PPFIBP2: variants seen among roughly 807,000 people sequenced by gnomAD.
PPFIBP2 encodes the protein liprin-beta-2.
In PPFIBP2, 118 loss-of-function variants were observed where a neutral mutation model predicts 118.3. The observed-to-expected ratio is 1.00, with a 90% CI of 0.86 to 1.16. PPFIBP2 has a LOEUF of 1.16. PPFIBP2 is among the 50% of genes most tolerant of loss of function. PPFIBP2 has a pLI of 0.00. For synonymous variants in PPFIBP2, 414 were observed against 397.4 expected (o/e 1.04, Z -0.50); for missense variants, 1,195 against 1,073.1 (o/e 1.11, Z -1.59).
At chr11:7,541,115 T>C (rs1851731975) in intron 1 of PPFIBP2, among the ~76,000 whole-genome samples, 1 of 152,204 alleles carries the variant, frequency 6.6e-6, no homozygotes, top group African/African-American at 2.4e-5. Flanking sequence ...GGGCTGTGTT[T>C]GCATTCCATC....
chr11:7,554,787 A>ACTATG (rs1351171550), intron 2 of PPFIBP2, among the ~76,000 whole-genome samples: 4 of 79,148 alleles, frequency 5.1e-5, no homozygotes, highest in Non-Finnish European at 1.1e-4. Flanking sequence ...ATCCCAGGTG[A>ACTATG]CTAGACTAGA....
intron 2 of PPFIBP2, among the ~76,000 whole-genome samples, chr11:7,554,397 G>A (rs539483171): frequency 1.2e-4 from 19 of 152,204 alleles, no homozygotes; most frequent in African/African-American, 4.6e-4. Flanking sequence ...CAGTAGGCTG[G>A]GTTACTGTTT....
At chr11:7,605,359 G>A (rs181319327) in intron 5 of PPFIBP2, among the ~76,000 whole-genome samples, 107 of 152,326 alleles carry the variant, frequency 7.0e-4, no homozygotes, top group African/African-American at 2.4e-3. Flanking sequence ...CATGGTAGGG[G>A]TTTAGGGCTT....
At chr11:7,578,661 T>C (rs574268675) in intron 3 of PPFIBP2, among the ~76,000 whole-genome samples, 2 of 152,156 alleles carry the variant, frequency 1.3e-5, no homozygotes, top group African/African-American at 4.8e-5. Context: ...TTACAAACAA[T>C]AAGTGTGCCT....
chr11:7,652,969 T>C, intron 23 of PPFIBP2, 55 bp from the exon 24 acceptor site: 2 of 1,546,880 alleles, frequency 1.3e-6, no homozygotes, highest in African/African-American at 2.7e-5. Flanking sequence ...TTGTCAGTCA[T>C]ACCTGCACAC....
At chr11:7,665,447 G>C in the PPFIBP2 span, 16 of 1,613,548 alleles carry the variant, frequency 9.9e-6, no homozygotes, top group Non-Finnish European at 1.4e-5. Context: ...CTGGATTAGT[G>C]GTGGCGGGCC....
chr11:7,620,279 C>T (rs1426879537), intron 6 of PPFIBP2, among the ~76,000 whole-genome samples: 2 of 152,190 alleles, frequency 1.3e-5, no homozygotes, highest in Non-Finnish European at 2.9e-5. Flanking sequence ...CCAGCCTCAT[C>T]TTCCACTGTG....
chr11:7,597,409 A>T, intron 4 of PPFIBP2, 151 bp from the exon 5 acceptor site: 1 of 1,538,880 alleles, frequency 6.5e-7, no homozygotes, highest in East Asian at 2.4e-5. Flanking sequence ...CGTTCAGGAC[A>T]CTTCCTCCAC....
intron 10 of PPFIBP2, among the ~76,000 whole-genome samples, 153 bp from the exon 11 acceptor site, chr11:7,630,772 C>A (rs1328857744): frequency 6.6e-6 from 1 of 152,210 alleles, no homozygotes; most frequent in Non-Finnish European, 1.5e-5. Flanking sequence ...CTCAGATGCC[C>A]TGAAGAATCT....
chr11:7,565,065 C>A (rs545825301), intron 2 of PPFIBP2, among the ~76,000 whole-genome samples: 1 of 152,014 alleles, frequency 6.6e-6, no homozygotes, highest in Non-Finnish European at 1.5e-5. Context: ...ACTGTCTAAA[C>A]GTAGTTTATG....
At chr11:7,549,302 T>G in intron 1 of PPFIBP2, 138 bp from the exon 2 acceptor site, 1 of 745,212 alleles carries the variant, frequency 1.3e-6, no homozygotes, top group African/African-American at 1.8e-5. Flanking sequence ...GCCATGGAGA[T>G]GCAGAAACTA....
chr11:7,543,977 C>T (rs1045366308), intron 1 of PPFIBP2, among the ~76,000 whole-genome samples: 1 of 152,174 alleles, frequency 6.6e-6, no homozygotes, highest in African/African-American at 2.4e-5. Context: ...GGCTTTTCCT[C>T]ACTGGCTGCA....
chr11:7,640,715 A>G (rs1590756208), intron 15 of PPFIBP2, among the ~76,000 whole-genome samples: 1 of 152,168 alleles, frequency 6.6e-6, no homozygotes, highest in Non-Finnish European at 1.5e-5. Flanking sequence ...GAGCCCAGGC[A>G]CCTGCACAAG....
intron 5 of PPFIBP2, among the ~76,000 whole-genome samples, chr11:7,608,608 C>G (rs906965661): frequency 6.6e-6 from 1 of 152,110 alleles, no homozygotes; most frequent in Non-Finnish European, 1.5e-5. Flanking sequence ...CCATTGCACT[C>G]CAGCCTGGGC....
intron 17 of PPFIBP2, among the ~76,000 whole-genome samples, chr11:7,647,662 G>A (rs1291583501): frequency 6.6e-6 from 1 of 152,170 alleles, no homozygotes; most frequent in Non-Finnish European, 1.5e-5. Context: ...CGTTACATAT[G>A]TTTATATGTG....
rs191097647 is a variant in PPFIBP2 at position 7,516,555 on chromosome 11, C to T, written c.-37+2434C>T. On this transcript the variant is annotated intron_variant, in intron 1 of 23. Transcript: ENST00000299492. ...GAGCCTGCCAACAGACAACATGAGG[C>T]GGTGTGGGGCAACGTGCTGTTTTAA... Among the ~76,000 whole-genome samples, 419 of 152,118 alleles carry T rather than the reference C, an allele frequency of 2.8e-3. 2 individuals are homozygous for T. Among genetic ancestry groups the T allele is most frequent in the Middle Eastern group, 0.017 (5 of 294 alleles).
intron 1 of PPFIBP2, among the ~76,000 whole-genome samples, chr11:7,520,496 T>G (rs932636134): frequency 6.6e-6 from 1 of 151,368 alleles, no homozygotes; most frequent in Non-Finnish European, 1.5e-5. Flanking sequence ...GTTTTTTACT[T>G]GGCCATAAGA....
At chr11:7,629,210 A>T (rs1277396982) in intron 9 of PPFIBP2, among the ~76,000 whole-genome samples, 1 of 152,186 alleles carries the variant, frequency 6.6e-6, no homozygotes, top group Non-Finnish European at 1.5e-5. Context: ...TGCTTCTGAA[A>T]ATGTTTAAGC....
chr11:7,662,656 C>G, the PPFIBP2 span, among the ~76,000 whole-genome samples: 54,824 of 130,982 alleles, frequency 0.42, 12,634 homozygotes, highest in East Asian at 0.52. Context: ...GAGTATCTTT[C>G]TGGCGTTCTC....
Sources: allele counts gnomAD v4.1 joint callset (sites outside exome capture counted in the v4.1 genomes callset), GRCh38; gene constraint gnomAD v4.1.1; transcripts MANE v1.5; gene names NCBI Gene and HGNC (gene_info 2026-07-23, HGNC 2026-07-21).